SFRP1: variants seen among roughly 807,000 people sequenced by gnomAD.
SFRP1 encodes the protein secreted frizzled related protein 1.
Under a neutral mutation model 25.9 loss-of-function variants are expected in SFRP1, and 9 were observed. The ratio of observed to expected loss-of-function variants is 0.35; its 90% CI spans 0.21 to 0.61. SFRP1 has a LOEUF of 0.61. Ranked by LOEUF, SFRP1 falls within the 20% of genes least tolerant of loss-of-function variation. The pLI, the probability that SFRP1 is intolerant of heterozygous loss-of-function variation, is 0.78. For missense variants in SFRP1, 346 were observed against 418.2 expected (o/e 0.83, Z 1.51); for synonymous variants, 178 against 174.0 (o/e 1.02, Z -0.18).
chr8:41,286,797 A>T (rs1803711550), intron 2 of SFRP1, among the ~76,000 whole-genome samples: 1 of 152,202 alleles, frequency 6.6e-6, no homozygotes, highest in Non-Finnish European at 1.5e-5. Context: ...TGGGGGCCCT[A>T]GCTGGCTCCT....
At chr8:41,266,165 C>CAA (rs796630725) in intron 2 of SFRP1, among the ~76,000 whole-genome samples, 5 of 144,610 alleles carry the variant, frequency 3.5e-5, no homozygotes, top group African/African-American at 1.3e-4. Flanking sequence ...GACTCCATCT[C>CAA]AAAAAAAAAA....
chr8:41,262,226 T>C lies in SFRP1; in HGVS notation c.*2941A>G, dbSNP rs1051845127. On this transcript the variant is annotated 3_prime_UTR_variant, in exon 3 of 3. Coordinates refer to ENST00000220772, the MANE Select transcript of SFRP1 (RefSeq NM_003012.5). ...AAACGGGAATTTCATCCATGTCCTG[T>C]GTATCTGCTGGCAACAGGTCAGAAC... The C allele has an allele frequency of 6.6e-6, 1 of 152,278 alleles. No individual in the cohort carries two copies. Among genetic ancestry groups the C allele is most frequent in the African/African-American group, 2.4e-5 (1 of 41,454 alleles). 9.4% of individuals were successfully genotyped at this position (152,278 alleles called of 1,614,324 possible). A position where few individuals can be genotyped will look rare whatever the true frequency, so the allele number is the denominator to read the frequency against.
At chr8:41,275,887 C>CA (rs1333145094) in intron 2 of SFRP1, among the ~76,000 whole-genome samples, 1 of 152,218 alleles carries the variant, frequency 6.6e-6, no homozygotes, top group Non-Finnish European at 1.5e-5. Flanking sequence ...GCTGTGACTA[C>CA]AAGCATTCAG....
At chr8:41,279,800 A>C (rs1184760337) in intron 2 of SFRP1, among the ~76,000 whole-genome samples, 1 of 151,088 alleles carries the variant, frequency 6.6e-6, no homozygotes, top group African/African-American at 2.4e-5. Flanking sequence ...ACCTATGTCC[A>C]AAATCCTTCA....
intron 2 of SFRP1, among the ~76,000 whole-genome samples, chr8:41,297,736 T>C (rs984284047): frequency 2.2e-4 from 33 of 152,054 alleles, no homozygotes; most frequent in African/African-American, 7.7e-4. Flanking sequence ...TCCAAGTCTG[T>C]CTCGCCCAGA....
At chr8:41,266,105 GCAGTGAGCCAAGAT>G (rs1409646807) in intron 2 of SFRP1, among the ~76,000 whole-genome samples, 2 of 151,920 alleles carry the variant, frequency 1.3e-5, no homozygotes, top group Admixed American at 1.3e-4. Flanking sequence ...GGCGGAGGTT[GCAGTGAGCCAAGAT>G]CACACCACTG....
intron 2 of SFRP1, among the ~76,000 whole-genome samples, chr8:41,281,233 A>G (rs1286940214): frequency 6.6e-6 from 1 of 152,134 alleles, no homozygotes; most frequent in Non-Finnish European, 1.5e-5. Flanking sequence ...TCCAGTTTGC[A>G]TCAGGGGTGC....
intron 2 of SFRP1, among the ~76,000 whole-genome samples, chr8:41,266,000 T>A (rs1236787264): frequency 6.6e-6 from 1 of 152,102 alleles, no homozygotes; most frequent in Non-Finnish European, 1.5e-5. Flanking sequence ...ACCCCATCTC[T>A]ACTAAAAATA....
intron 2 of SFRP1, among the ~76,000 whole-genome samples, chr8:41,300,754 A>T (rs1803905411): frequency 6.6e-6 from 1 of 152,198 alleles, no homozygotes; most frequent in Non-Finnish European, 1.5e-5. Context: ...CAGAGCAGGA[A>T]AAGCAGAGAG....
At chr8:41,266,916 T>C (rs1230483776) in intron 2 of SFRP1, among the ~76,000 whole-genome samples, 1 of 152,194 alleles carries the variant, frequency 6.6e-6, no homozygotes, top group Non-Finnish European at 1.5e-5. Flanking sequence ...AACATCAACG[T>C]CCAACCACAG....
In SFRP1 at chr8:41,282,899, T is replaced by G. The variant is rs550978961; in HGVS notation, c.623-17410A>C. 3.0e-3 allele frequency among the ~76,000 whole-genome samples: 455 copies of G among 152,342 alleles called. 3 individuals carry two copies. Among genetic ancestry groups the G allele is most frequent in the Non-Finnish European group, 4.4e-3 (297 of 68,038 alleles). On this transcript the variant is annotated intron_variant, in intron 2 of 2. Coordinates refer to ENST00000220772, the MANE Select transcript of SFRP1 (RefSeq NM_003012.5). ...ACAAGCAAATAAAGTTTTTTTGCACTGATCGGGCCAAAATAACTCCAGCTT... is the reference window on the plus strand; with the variant it reads ...ACAAGCAAATAAAGTTTTTTTGCACGGATCGGGCCAAAATAACTCCAGCTT...
intron 1 of SFRP1, chr8:41,306,633 G>A: frequency 1.4e-6 from 2 of 1,474,598 alleles, no homozygotes; most frequent in Non-Finnish European, 1.8e-6. Context: ...ACCACTGAGG[G>A]GAAAACCAGT....
intron 2 of SFRP1, among the ~76,000 whole-genome samples, chr8:41,293,079 C>T (rs1428745196): frequency 2.0e-5 from 3 of 152,228 alleles, no homozygotes; most frequent in Non-Finnish European, 4.4e-5. Context: ...TTCTCAGCAC[C>T]TTCCTTGCCC....
At chr8:41,293,767 T>A (rs1435788530) in intron 2 of SFRP1, among the ~76,000 whole-genome samples, 1 of 151,992 alleles carries the variant, frequency 6.6e-6, no homozygotes, top group Non-Finnish European at 1.5e-5. Flanking sequence ...GGGTTTTGTT[T>A]TTGTTTTTGT....
intron 2 of SFRP1, among the ~76,000 whole-genome samples, chr8:41,301,080 G>A (rs1323881839): frequency 1.3e-5 from 2 of 152,196 alleles, no homozygotes; most frequent in Non-Finnish European, 2.9e-5. Context: ...CAGCTCCACA[G>A]AGGCTCCCGG....
intron 2 of SFRP1, among the ~76,000 whole-genome samples, chr8:41,303,140 G>T (rs1803949267): frequency 6.6e-6 from 1 of 151,034 alleles, no homozygotes; most frequent in African/African-American, 2.4e-5. Context: ...ACTCCCTGCA[G>T]CTTCTGAGAA....
intron 2 of SFRP1, among the ~76,000 whole-genome samples, chr8:41,297,125 A>T (rs1463717841): frequency 6.6e-6 from 1 of 152,106 alleles, no homozygotes; most frequent in Non-Finnish European, 1.5e-5. Flanking sequence ...GCTCACTGCA[A>T]CCTTGGCCTC....
At position 41,265,415 on chromosome 8, in the gene SFRP1, G is replaced by C. The variant is rs142720509; in HGVS notation, c.697C>G (p.Leu233Val). 1.1e-4 allele frequency: 182 copies of C among 1,613,334 alleles called. 1 individual carries two copies. Among genetic ancestry groups the C allele is most frequent in the Admixed American group, 1.5e-4 (9 of 59,910 alleles). ...KKIVPKKKKP[L>V]KLGPIKKKDL... is the part of the protein sequence containing the mutation. ...TTCTTCTTGATGGGCCCCAACTTCA[G>C]GGGCTTCTTCTTCTTGGGGACAATC... Residue 233 changes from leucine (L) to valine (V), a missense_variant, in exon 3 of 3, where the codon CTG (leucine) becomes GTG (valine). Coordinates refer to ENST00000220772, the MANE Select transcript of SFRP1 (RefSeq NM_003012.5).
chr8:41,309,343 G>C lies in SFRP1; in HGVS notation c.-184C>G, dbSNP rs1804043496. On this transcript the variant is annotated 5_prime_UTR_variant, in exon 1 of 3. Coordinates refer to ENST00000220772, the MANE Select transcript of SFRP1 (RefSeq NM_003012.5). ...CAGTGGCGGCCCTCGGCCTGCGGTC[G>C]GAGGCGGCGCGGGCGGGGAGGCGGC... 1 of 593,672 alleles carries C rather than the reference G, an allele frequency of 1.7e-6. No homozygotes were observed. The highest frequency in any genetic ancestry group is 7.9e-5 in the South Asian group (1 of 12,662). The allele number at this position is 593,672 out of a possible 1,614,324, so 36.8% of individuals were successfully genotyped here.
Sources: allele counts gnomAD v4.1 joint callset (sites outside exome capture counted in the v4.1 genomes callset), GRCh38; gene constraint gnomAD v4.1.1; transcripts MANE v1.5; gene names NCBI Gene and HGNC (gene_info 2026-07-23, HGNC 2026-07-21).